The following GRIN2A variants were observed in gnomAD, a reference collection of about 807,000 sequenced individuals.
GRIN2A encodes glutamate receptor ionotropic, NMDA 2A.
In GRIN2A, 22 loss-of-function variants were observed where a neutral mutation model predicts 113.4. The ratio of observed to expected loss-of-function variants is 0.19; its 90% CI spans 0.14 to 0.28. The LOEUF (loss-of-function observed/expected upper bound fraction) is 0.28. GRIN2A is among the 10% of genes least tolerant of loss of function. The pLI is 1.00. For missense variants in GRIN2A, 1,502 were observed against 1,887.0 expected (o/e 0.80, Z 3.78); for synonymous variants, 827 against 738.4 (o/e 1.12, Z -1.94).
intron 5 of GRIN2A, among the ~76,000 whole-genome samples, chr16:9,843,744 G>A (rs558377355): frequency 6.6e-6 from 1 of 152,108 alleles, no homozygotes; most frequent in African/African-American, 2.4e-5. Context: ...TAGTGGGGGG[G>A]TAGTAGGAGG....
intron 2 of GRIN2A, among the ~76,000 whole-genome samples, chr16:9,981,968 G>C (rs1313335565): frequency 6.6e-6 from 1 of 151,968 alleles, no homozygotes; most frequent in African/African-American, 2.4e-5. Flanking sequence ...TGTATTTTTA[G>C]TAGAGACGGG....
chr16:9,793,795 C>T (rs1248722213), intron 11 of GRIN2A, among the ~76,000 whole-genome samples: 2 of 144,976 alleles, frequency 1.4e-5, no homozygotes, highest in East Asian at 2.0e-4. Context: ...ATATATACCA[C>T]ATACATAACA....
chr16:9,861,083 G>C (rs2043059055), intron 4 of GRIN2A, among the ~76,000 whole-genome samples: 1 of 152,338 alleles, frequency 6.6e-6, no homozygotes, highest in Non-Finnish European at 1.5e-5. Context: ...CAGAAGCAGA[G>C]TTCAGGCTGC....
chr16:9,854,423 A>G (rs544951325), intron 4 of GRIN2A, among the ~76,000 whole-genome samples: 1 of 152,298 alleles, frequency 6.6e-6, no homozygotes, highest in South Asian at 2.1e-4. Flanking sequence ...TCAGGGAGAA[A>G]GAAAGAACCA....
intron 4 of GRIN2A, among the ~76,000 whole-genome samples, chr16:9,882,221 G>A (rs1233036804): frequency 6.6e-6 from 1 of 152,012 alleles, no homozygotes; most frequent in African/African-American, 2.4e-5. Flanking sequence ...TAGATAGGAG[G>A]GAGCTATAGC....
chr16:9,998,031 T>G (rs2046257040), intron 2 of GRIN2A, among the ~76,000 whole-genome samples: 1 of 152,238 alleles, frequency 6.6e-6, no homozygotes, highest in Admixed American at 6.5e-5. Context: ...ATTTATAGAA[T>G]TATAACACCT....
At chr16:10,142,445 C>A (rs1324211903) in intron 2 of GRIN2A, among the ~76,000 whole-genome samples, 10 of 152,158 alleles carry the variant, frequency 6.6e-5, no homozygotes, top group Non-Finnish European at 7.3e-5. Context: ...GCCTGTAATC[C>A]CAACACTTTG....
chr16:9,949,482 G>T (rs1267032862), intron 2 of GRIN2A, among the ~76,000 whole-genome samples: 1 of 151,942 alleles, frequency 6.6e-6, no homozygotes, highest in Non-Finnish European at 1.5e-5. Flanking sequence ...CAGATGAGTG[G>T]ATAGATGGAT....
chr16:10,127,401 C>T (rs1353574473), intron 2 of GRIN2A, among the ~76,000 whole-genome samples: 1 of 152,110 alleles, frequency 6.6e-6, no homozygotes, highest in East Asian at 1.9e-4. Flanking sequence ...TATTCCTCCA[C>T]CTAAACACTA....
intron 2 of GRIN2A, among the ~76,000 whole-genome samples, chr16:9,941,626 G>A (rs75423851): frequency 0.017 from 2,579 of 152,220 alleles, 36 homozygotes; most frequent in Non-Finnish European, 0.023. Flanking sequence ...GAACCTCTGG[G>A]GTTGGACTAC....
chr16:10,129,584 C>G (rs2049020151), intron 2 of GRIN2A, among the ~76,000 whole-genome samples: 1 of 152,074 alleles, frequency 6.6e-6, no homozygotes, highest in Non-Finnish European at 1.5e-5. Flanking sequence ...AATTCCCAAG[C>G]AAACGGAACA....
intron 8 of GRIN2A, among the ~76,000 whole-genome samples, chr16:9,833,487 G>C (rs2042532706): frequency 1.3e-5 from 2 of 152,152 alleles, no homozygotes; most frequent in Non-Finnish European, 2.9e-5. Flanking sequence ...TTTAGCATTT[G>C]ACAAGCATTT....
At chr16:9,798,485 G>T in intron 10 of GRIN2A, 21 bp from the exon 11 acceptor site, 1 of 1,607,402 alleles carries the variant, frequency 6.2e-7, no homozygotes, top group Non-Finnish European at 8.5e-7. Context: ...AAGAAACCAG[G>T]GGGTCATAGG....
At chr16:9,943,537 A>G (rs889151681) in intron 2 of GRIN2A, among the ~76,000 whole-genome samples, 1 of 152,152 alleles carries the variant, frequency 6.6e-6, no homozygotes, top group Non-Finnish European at 1.5e-5. Context: ...AGCAACTTAC[A>G]TTCCATTTAC....
At chr16:10,031,248 C>T (rs548071853) in intron 2 of GRIN2A, 7 of 152,226 alleles carry the variant, frequency 4.6e-5, no homozygotes, top group Non-Finnish European at 7.3e-5. Context: ...TCTTCCAATA[C>T]CCTGAGCCTG....
chr16:10,177,514 G>T (rs931528844), intron 2 of GRIN2A, among the ~76,000 whole-genome samples: 5 of 152,068 alleles, frequency 3.3e-5, no homozygotes, highest in African/African-American at 4.8e-5. Flanking sequence ...TGAACCAATG[G>T]ACCCTTTCAT....
At chr16:10,119,453 A>G (rs1266384885) in intron 2 of GRIN2A, among the ~76,000 whole-genome samples, 3 of 151,828 alleles carry the variant, frequency 2.0e-5, no homozygotes, top group African/African-American at 7.3e-5. Flanking sequence ...TGCCTTAGTC[A>G]TCTCTGTAGC....
intron 10 of GRIN2A, 58 bp from the exon 11 acceptor site, chr16:9,798,522 A>C (rs1232701151): frequency 1.5e-6 from 2 of 1,338,840 alleles, no homozygotes; most frequent in Non-Finnish European, 2.1e-6. Context: ...CTCGGGGTCC[A>C]GCTCCTGAGG....
intron 2 of GRIN2A, among the ~76,000 whole-genome samples, chr16:9,973,614 T>C (rs1182792521): frequency 6.6e-6 from 1 of 152,138 alleles, no homozygotes; most frequent in Non-Finnish European, 1.5e-5. Context: ...AAAACCATGC[T>C]AGGCACATCA....
Sources: gnomAD v4.1 joint callset for allele counts (sites outside exome capture counted in the v4.1 genomes callset) on GRCh38, gnomAD v4.1.1 for gene constraint, MANE v1.5 for transcripts, NCBI Gene and HGNC (gene_info 2026-07-23, HGNC 2026-07-21) for gene names.